The following RSU1 variants were observed in gnomAD, a reference collection of about 807,000 sequenced individuals.
RSU1 encodes Ras suppressor protein 1, also known as rsu-1.
RSU1 carries 26 observed loss-of-function variants against 31.1 expected under a neutral mutation model. The ratio of observed to expected loss-of-function variants is 0.84; its 90% CI spans 0.61 to 1.16. The LOEUF is 1.16. Among genes scored for constraint, RSU1 ranks in the 50% most tolerant of loss-of-function variants. The probability of loss-of-function intolerance (pLI) is 0.00; values close to 1 mark genes in which losing one functional copy is unlikely to be tolerated. For synonymous variants in RSU1, 164 were observed against 136.3 expected (o/e 1.20, Z -1.41); for missense variants, 320 against 339.1 (o/e 0.94, Z 0.44).
intron 7 of RSU1, among the ~76,000 whole-genome samples, chr10:16,736,495 A>C (rs925000808): frequency 2.6e-5 from 4 of 152,206 alleles, no homozygotes; most frequent in Non-Finnish European, 4.4e-5. Context: ...ATTAAAAACC[A>C]GCCCTGAAAG....
At chr10:16,697,231 T>C (rs1219567700) in intron 7 of RSU1, among the ~76,000 whole-genome samples, 1 of 152,122 alleles carries the variant, frequency 6.6e-6, no homozygotes, top group Non-Finnish European at 1.5e-5. Flanking sequence ...GCTCAATATA[T>C]CTCTCTTAAA....
At chr10:16,755,086 C>G in intron 4 of RSU1, 97 bp from the exon 5 acceptor site, 1 of 686,110 alleles carries the variant, frequency 1.5e-6, no homozygotes, top group Non-Finnish European at 2.6e-6. Flanking sequence ...AAGTGTAAGA[C>G]AGTGCCATGA....
chr10:16,708,639 G>A (rs1173809418), intron 7 of RSU1, among the ~76,000 whole-genome samples: 2 of 151,940 alleles, frequency 1.3e-5, no homozygotes, highest in African/African-American at 4.8e-5. Flanking sequence ...ATTTTGATAG[G>A]AATTGCATCA....
chr10:16,782,451 C>T (rs1333214230), intron 2 of RSU1, among the ~76,000 whole-genome samples: 2 of 152,178 alleles, frequency 1.3e-5, no homozygotes, highest in African/African-American at 4.8e-5. Flanking sequence ...CAGAGGTGCA[C>T]AGGGGCCTTA....
At chr10:16,715,407 C>T (rs1309546987) in intron 7 of RSU1, among the ~76,000 whole-genome samples, 1 of 152,204 alleles carries the variant, frequency 6.6e-6, no homozygotes, top group Non-Finnish European at 1.5e-5. Flanking sequence ...TTTTATCCTA[C>T]AATTTCCCCT....
At chr10:16,778,018 C>CTTTTT (rs10685188) in intron 3 of RSU1, among the ~76,000 whole-genome samples, 96 of 117,648 alleles carry the variant, frequency 8.2e-4, no homozygotes, top group African/African-American at 3.2e-3. Context: ...GGTCATATAC[C>CTTTTT]TTTTTTTTTT....
intron 3 of RSU1, among the ~76,000 whole-genome samples, chr10:16,779,790 T>C (rs1241879759): frequency 1.3e-5 from 2 of 152,158 alleles, no homozygotes; most frequent in African/African-American, 2.4e-5. Context: ...TTCCATCAAA[T>C]GGACATATTT....
chr10:16,699,795 G>GCGC (rs1267605362), intron 7 of RSU1, among the ~76,000 whole-genome samples: 2 of 152,232 alleles, frequency 1.3e-5, no homozygotes, highest in African/African-American at 4.8e-5. Context: ...AAGCCAGGCA[G>GCGC]CGCCGTGATT....
chr10:16,759,574 G>GT (rs1837166350), intron 4 of RSU1, among the ~76,000 whole-genome samples: 1 of 152,118 alleles, frequency 6.6e-6, no homozygotes, highest in African/African-American at 2.4e-5. Flanking sequence ...AAACTTCTAT[G>GT]TGTTTATGAG....
At chr10:16,605,386 G>C (rs1050905628) in intron 8 of RSU1, among the ~76,000 whole-genome samples, 2 of 152,140 alleles carry the variant, frequency 1.3e-5, no homozygotes, top group Admixed American at 6.5e-5. Context: ...GTGTCCCTGG[G>C]ACACACTAGA....
In RSU1 at chr10:16,788,150, G is replaced by A. The variant is rs550441553; in HGVS notation, c.110-6066C>T. ...AAGATTATTAAATAGATTCATAGAT[G>A]TATCAGTTAAGACTATGCTCAGCTT... On this transcript the variant is annotated intron_variant, in intron 2 of 8. Coordinates refer to ENST00000345264, the MANE Select transcript of RSU1 (RefSeq NM_012425.4). 1.8e-4 allele frequency among the ~76,000 whole-genome samples: 28 copies of A among 152,308 alleles called. No individual in the cohort carries two copies. The East Asian group carries it at 2.5e-3, about 14-fold the overall frequency.
rs770608538 is a variant in RSU1, at chr10:16,657,027, A to G, written c.731+37996T>C. Among the ~76,000 whole-genome samples the G allele has an allele frequency of 1.2e-4, 18 of 152,340 alleles. No individual in the cohort carries two copies. In the East Asian group the frequency reaches 1.7e-3, roughly 15 times the overall value. ...ATACAGTATAGCTTTAGAGGCTGAG[A>G]AAACTGGTTCTTTATTCCGCAGAGA... On this transcript the variant is annotated intron_variant, in intron 8 of 8. Coordinates refer to ENST00000345264, the MANE Select transcript of RSU1 (RefSeq NM_012425.4).
chr10:16,623,501 A>T (rs1473681353), intron 8 of RSU1, among the ~76,000 whole-genome samples: 1 of 152,194 alleles, frequency 6.6e-6, no homozygotes, highest in Non-Finnish European at 1.5e-5. Flanking sequence ...ACACGAGTGT[A>T]TGTGTCTTTA....
chr10:16,596,591 T>G (rs1833618274), intron 8 of RSU1, among the ~76,000 whole-genome samples: 1 of 152,206 alleles, frequency 6.6e-6, no homozygotes, highest in Non-Finnish European at 1.5e-5. Flanking sequence ...ACGGCCTAGG[T>G]AGCTTCAGCT....
intron 8 of RSU1, among the ~76,000 whole-genome samples, chr10:16,675,756 GA>G (rs1279956797): frequency 3.9e-5 from 6 of 152,334 alleles, no homozygotes; most frequent in Non-Finnish European, 8.8e-5. Context: ...CCTTTGAGTA[GA>G]AAGTAATTTT....
At chr10:16,801,751 A>G (rs1393102155) in intron 2 of RSU1, among the ~76,000 whole-genome samples, 1 of 152,144 alleles carries the variant, frequency 6.6e-6, no homozygotes, top group Non-Finnish European at 1.5e-5. Context: ...AAATCCCAAA[A>G]CATCTGGACA....
At chr10:16,758,423 C>A (rs1057495076) in intron 4 of RSU1, among the ~76,000 whole-genome samples, 2 of 152,154 alleles carry the variant, frequency 1.3e-5, no homozygotes, top group African/African-American at 4.8e-5. Context: ...CTCAGGGCCC[C>A]GCTCTGACAC....
intron 7 of RSU1, among the ~76,000 whole-genome samples, chr10:16,704,003 C>A (rs1184913964): frequency 2.0e-5 from 3 of 152,120 alleles, no homozygotes; most frequent in Non-Finnish European, 4.4e-5. Flanking sequence ...CTAGTGTTTG[C>A]ATTTCTAACA....
At chr10:16,806,811 T>C (rs1478992130) in intron 2 of RSU1, among the ~76,000 whole-genome samples, 1 of 152,198 alleles carries the variant, frequency 6.6e-6, no homozygotes, top group African/African-American at 2.4e-5. Flanking sequence ...TGGAGTACAA[T>C]GGCGTGATCT....
Sources: gnomAD v4.1 joint callset for allele counts (sites outside exome capture counted in the v4.1 genomes callset) on GRCh38, gnomAD v4.1.1 for gene constraint, MANE v1.5 for transcripts, NCBI Gene and HGNC (gene_info 2026-07-23, HGNC 2026-07-21) for gene names.